Variants in ADAMTS12 observed in about 807,000 individuals in gnomAD.
ADAMTS12 encodes A disintegrin and metalloproteinase with thrombospondin motifs 12.
ADAMTS12 carries 118 observed loss-of-function variants against 167.8 expected under a neutral mutation model. The ratio of observed to expected loss-of-function variants is 0.70; its 90% CI spans 0.61 to 0.82. The LOEUF is 0.82. ADAMTS12 is among the 40% of genes least tolerant of loss of function. The pLI, the probability that ADAMTS12 is intolerant of heterozygous loss-of-function variation, is 0.00. For missense variants in ADAMTS12, 1,916 were observed against 1,998.8 expected, an observed-to-expected ratio of 0.96 and a Z score of 0.79; for synonymous variants, 704 against 716.9, an observed-to-expected ratio of 0.98 and a Z score of 0.29.
chr5:33,527,214 A>G lies in ADAMTS12; in HGVS notation c.4759T>C (p.Leu1587=). 1 of 1,614,098 alleles carries G rather than the reference A, an allele frequency of 6.2e-7. No individual in the cohort carries two copies. Among genetic ancestry groups the G allele is most frequent in the South Asian group, 1.1e-5 (1 of 91,074 alleles). Residue 1587 remains leucine, a synonymous_variant, in exon 24 of 24, where the codon TTG becomes CTG. Transcript: ENST00000504830. ...THTQRQRRQR[L]LQKSKEL is the part of the protein sequence containing the mutation. Reference sequence around the variant, plus strand: ...TAGAGTTCTTTTGACTTTTGGAGCAACCGTTGCCTTCTTTGCCTTTGGGTG... The same window carrying G: ...TAGAGTTCTTTTGACTTTTGGAGCAGCCGTTGCCTTCTTTGCCTTTGGGTG...
intron 2 of ADAMTS12, among the ~76,000 whole-genome samples, chr5:33,762,512 A>G (rs981222598): frequency 2.0e-5 from 3 of 152,070 alleles, no homozygotes; most frequent in African/African-American, 7.3e-5. Context: ...CACCTCAAAA[A>G]AAAATAAATA....
At chr5:33,702,800 C>T (rs1413585115) in intron 3 of ADAMTS12, among the ~76,000 whole-genome samples, 1 of 152,196 alleles carries the variant, frequency 6.6e-6, no homozygotes, top group Non-Finnish European at 1.5e-5. Flanking sequence ...TACCTCTTGA[C>T]TAGAAATTTC....
intron 2 of ADAMTS12, among the ~76,000 whole-genome samples, chr5:33,867,269 C>T (rs545526710): frequency 6.6e-6 from 1 of 152,298 alleles, no homozygotes; most frequent in South Asian, 2.1e-4. Context: ...CCATGAAATA[C>T]TATCCAGCCA....
intron 3 of ADAMTS12, among the ~76,000 whole-genome samples, chr5:33,739,335 C>G (rs566155843): frequency 6.6e-5 from 10 of 152,228 alleles, no homozygotes; most frequent in African/African-American, 2.4e-4. Context: ...ACGCACAGCC[C>G]CCACTGGGCT....
chr5:33,796,898 C>T (rs1746796548), intron 2 of ADAMTS12, among the ~76,000 whole-genome samples: 1 of 152,128 alleles, frequency 6.6e-6, no homozygotes, highest in African/African-American at 2.4e-5. Context: ...CTCCCTAAGT[C>T]CAGCCTTTGG....
At chr5:33,642,861 A>G (rs943709078) in intron 10 of ADAMTS12, among the ~76,000 whole-genome samples, 1 of 152,180 alleles carries the variant, frequency 6.6e-6, no homozygotes, top group African/African-American at 2.4e-5. Flanking sequence ...TAGGCCCACA[A>G]GGAACCCAGC....
chr5:33,740,604 G>A (rs1231584407), intron 3 of ADAMTS12, among the ~76,000 whole-genome samples: 1 of 152,152 alleles, frequency 6.6e-6, no homozygotes, highest in Non-Finnish European at 1.5e-5. Context: ...TGATTGCTAT[G>A]TCCCACTCCA....
chr5:33,606,199 C>T (rs1207389723), intron 16 of ADAMTS12, among the ~76,000 whole-genome samples: 4 of 152,214 alleles, frequency 2.6e-5, no homozygotes, highest in East Asian at 3.8e-4. Flanking sequence ...CTGCCTGCCT[C>T]GTCCTCCCAA....
intron 2 of ADAMTS12, among the ~76,000 whole-genome samples, chr5:33,852,648 G>C (rs1037955530): frequency 6.6e-6 from 1 of 152,214 alleles, no homozygotes; most frequent in Non-Finnish European, 1.5e-5. Flanking sequence ...CTGCAAGTTA[G>C]AGAAACGGTC....
intron 12 of ADAMTS12, 53 bp from the exon 13 acceptor site, chr5:33,630,966 C>T (rs1490459519): frequency 1.9e-6 from 3 of 1,596,200 alleles, no homozygotes; most frequent in African/African-American, 2.7e-5. Context: ...AGCTCAGCAT[C>T]CTCCCCCAGG....
At chr5:33,653,101 T>A (rs554729673) in intron 7 of ADAMTS12, among the ~76,000 whole-genome samples, 119 of 152,324 alleles carry the variant, frequency 7.8e-4, no homozygotes, top group Non-Finnish European at 1.2e-3. Context: ...GTCTTGTTTT[T>A]GATCTTAGGG....
intron 2 of ADAMTS12, among the ~76,000 whole-genome samples, chr5:33,871,960 T>G (rs1438891914): frequency 6.6e-6 from 1 of 152,264 alleles, no homozygotes. Context: ...GTAACCTAGA[T>G]GAAATGAAAC....
At chr5:33,680,583 G>C (rs1742076371) in intron 5 of ADAMTS12, among the ~76,000 whole-genome samples, 1 of 151,684 alleles carries the variant, frequency 6.6e-6, no homozygotes, top group African/African-American at 2.4e-5. Flanking sequence ...TGCTCAACCA[G>C]TATGAAAAAG....
chr5:33,679,428 G>A (rs1004223386), intron 5 of ADAMTS12, among the ~76,000 whole-genome samples: 4 of 152,136 alleles, frequency 2.6e-5, no homozygotes, highest in Non-Finnish European at 5.9e-5. Flanking sequence ...GGGGAAGCAA[G>A]GCACCTTCTT....
chr5:33,867,627 C>T (rs936343386), intron 2 of ADAMTS12, among the ~76,000 whole-genome samples: 2 of 152,170 alleles, frequency 1.3e-5, no homozygotes, highest in South Asian at 2.1e-4. Flanking sequence ...AATACACACA[C>T]ACACACAGCA....
At chr5:33,853,472 T>C (rs890181844) in intron 2 of ADAMTS12, among the ~76,000 whole-genome samples, 1 of 152,178 alleles carries the variant, frequency 6.6e-6, no homozygotes, top group African/African-American at 2.4e-5. Context: ...GATTTGAACA[T>C]AACGCAACAC....
intron 2 of ADAMTS12, among the ~76,000 whole-genome samples, chr5:33,806,842 G>A (rs534852961): frequency 1.6e-4 from 25 of 152,194 alleles, no homozygotes; most frequent in Non-Finnish European, 2.6e-4. Context: ...GACGACGGCT[G>A]TCATCCATCC....
chr5:33,696,855 C>A (rs1180682589), intron 3 of ADAMTS12, among the ~76,000 whole-genome samples: 1 of 152,204 alleles, frequency 6.6e-6, no homozygotes, highest in Non-Finnish European at 1.5e-5. Flanking sequence ...CCTCTTGAAG[C>A]TATTATAGTC....
At chr5:33,831,224 C>T (rs1053951650) in intron 2 of ADAMTS12, among the ~76,000 whole-genome samples, 4 of 152,214 alleles carry the variant, frequency 2.6e-5, no homozygotes, top group Non-Finnish European at 5.9e-5. Context: ...AAGCCACATC[C>T]TATGAACTGC....
Sources: gnomAD v4.1 joint callset for allele counts (sites outside exome capture counted in the v4.1 genomes callset) on GRCh38, gnomAD v4.1.1 for gene constraint, MANE v1.5 for transcripts, NCBI Gene and HGNC (gene_info 2026-07-23, HGNC 2026-07-21) for gene names.